Variants in SEL1L2 observed in about 807,000 individuals in gnomAD.
SEL1L2 encodes the protein SEL1L2 adaptor subunit of SYVN1 ubiquitin ligase, also known as protein sel-1 homolog 2.
SEL1L2 carries 89 observed loss-of-function variants against 98.8 expected under a neutral mutation model. The observed-to-expected ratio is 0.90, with a 90% CI of 0.76 to 1.07. The LOEUF is 1.07. Ranked by LOEUF, SEL1L2 falls within the 50% of genes least tolerant of loss-of-function variation. The pLI is 0.00. For synonymous variants in SEL1L2, 262 were observed against 278.5 expected (o/e 0.94, Z 0.59); for missense variants, 788 against 812.0 (o/e 0.97, Z 0.36).
At chr20:13,972,018 T>C (rs1449927217) in intron 1 of SEL1L2, among the ~76,000 whole-genome samples, 1 of 152,158 alleles carries the variant, frequency 6.6e-6, no homozygotes, top group Non-Finnish European at 1.5e-5. Context: ...CATATTTTAC[T>C]ATCTGGTTGA....
At chr20:13,944,671 A>G (rs2049929951) in intron 2 of SEL1L2, among the ~76,000 whole-genome samples, 1 of 152,230 alleles carries the variant, frequency 6.6e-6, no homozygotes, top group Non-Finnish European at 1.5e-5. Context: ...GGGTTGAGGC[A>G]GTGCAGGTTA....
intron 14 of SEL1L2, among the ~76,000 whole-genome samples, chr20:13,867,371 G>A (rs1991213225): frequency 6.6e-6 from 1 of 152,180 alleles, no homozygotes; most frequent in Admixed American, 6.5e-5. Flanking sequence ...CAGACTCCCA[G>A]CAGCCAAGAT....
At chr20:13,960,886 G>C (rs2050746769) in intron 1 of SEL1L2, among the ~76,000 whole-genome samples, 1 of 152,134 alleles carries the variant, frequency 6.6e-6, no homozygotes. Flanking sequence ...GCACATAATA[G>C]ATCAGTAGTT....
At chr20:13,932,587 G>T (rs2049201164) in intron 2 of SEL1L2, among the ~76,000 whole-genome samples, 4 of 151,770 alleles carry the variant, frequency 2.6e-5, no homozygotes, top group Non-Finnish European at 5.9e-5. Context: ...GCATGCCACC[G>T]TGCCTAGCTA....
intron 5 of SEL1L2, among the ~76,000 whole-genome samples, chr20:13,912,632 A>G (rs1338898161): frequency 6.6e-6 from 1 of 152,166 alleles, no homozygotes; most frequent in East Asian, 1.9e-4. Context: ...AGCAGAGTTC[A>G]TACATTCTTC....
intron 1 of SEL1L2, among the ~76,000 whole-genome samples, chr20:13,979,771 G>C (rs1272616749): frequency 6.6e-6 from 1 of 151,986 alleles, no homozygotes; most frequent in East Asian, 1.9e-4. Context: ...AGAAAATATA[G>C]AGGAAAAGCT....
At chr20:13,921,536 G>A (rs1250762334) in intron 3 of SEL1L2, among the ~76,000 whole-genome samples, 2 of 152,010 alleles carry the variant, frequency 1.3e-5, no homozygotes, top group African/African-American at 2.4e-5. Context: ...CTATAAGAGG[G>A]TCCAGGGCCG....
At chr20:13,893,770 T>C (rs1197300658) in intron 5 of SEL1L2, among the ~76,000 whole-genome samples, 4 of 152,220 alleles carry the variant, frequency 2.6e-5, no homozygotes, top group Non-Finnish European at 5.9e-5. Flanking sequence ...AGATAGATCA[T>C]ATTTTGGGAC....
chr20:13,981,014 G>A (rs911387491), intron 1 of SEL1L2, among the ~76,000 whole-genome samples: 31 of 152,148 alleles, frequency 2.0e-4, no homozygotes, highest in African/African-American at 7.0e-4. Flanking sequence ...AGGCCAAGGC[G>A]GGTGGATCAC....
chr20:13,856,657 C>T lies in SEL1L2; in HGVS notation c.1818+2605G>A, dbSNP rs145426908. Among the ~76,000 whole-genome samples, 1,145 of 152,180 alleles carry T rather than the reference C, an allele frequency of 7.5e-3. 6 individuals are homozygous for T. The highest frequency in any genetic ancestry group is 0.013 in the Non-Finnish European group (882 of 68,016). On this transcript the variant is annotated intron_variant, in intron 18 of 19. Transcript: ENST00000284951. Reference sequence around the variant, plus strand: ...TACTAGGATAGCTCACCTGCATCATCGCAGCCCCAACTTCCTTTTTGAAAG... The same window carrying T: ...TACTAGGATAGCTCACCTGCATCATTGCAGCCCCAACTTCCTTTTTGAAAG...
chr20:13,947,382 C>G (rs922115066), intron 2 of SEL1L2, among the ~76,000 whole-genome samples: 4 of 152,158 alleles, frequency 2.6e-5, no homozygotes, highest in African/African-American at 9.7e-5. Flanking sequence ...GAGCTACCCA[C>G]TCTGAATCTC....
chr20:13,892,137 C>T (rs772170094), intron 5 of SEL1L2, among the ~76,000 whole-genome samples: 16 of 152,046 alleles, frequency 1.1e-4, no homozygotes, highest in Non-Finnish European at 1.9e-4. Flanking sequence ...TTGTCATTAT[C>T]AGTTTAATAT....
chr20:13,959,151 G>A (rs1417817397), intron 1 of SEL1L2, among the ~76,000 whole-genome samples: 1 of 152,164 alleles, frequency 6.6e-6, no homozygotes, highest in Admixed American at 6.5e-5. Context: ...GGTGCCTCAT[G>A]AGCTGAACGA....
At chr20:13,994,343 C>T (rs972909107), upstream of SEL1L2, among the ~76,000 whole-genome samples, 1 of 149,806 alleles carries the variant, frequency 6.7e-6, no homozygotes, top group Non-Finnish European at 1.5e-5. Flanking sequence ...ATTACCTTAC[C>T]ATGTTGTGAA....
At chr20:13,856,539 T>C (rs780834181) in intron 18 of SEL1L2, among the ~76,000 whole-genome samples, 11 of 152,142 alleles carry the variant, frequency 7.2e-5, no homozygotes, top group Non-Finnish European at 1.5e-4. Flanking sequence ...CTCAGAACAA[T>C]GATGCAGTCA....
At chr20:13,854,676 C>T (rs1988852645) in intron 18 of SEL1L2, among the ~76,000 whole-genome samples, 1 of 152,020 alleles carries the variant, frequency 6.6e-6, no homozygotes, top group Admixed American at 6.6e-5. Context: ...GGAAATAGTC[C>T]TTGATAAATA....
intron 11 of SEL1L2, among the ~76,000 whole-genome samples, chr20:13,876,364 G>T (rs1188545027): frequency 6.7e-6 from 1 of 150,304 alleles, no homozygotes; most frequent in African/African-American, 2.4e-5. Context: ...CTGCCTGAGG[G>T]CAAAGAAATG....
chr20:13,869,394 T>C (rs956224628), intron 14 of SEL1L2, 109 bp downstream of exon 14: 4 of 789,698 alleles, frequency 5.1e-6, no homozygotes, highest in African/African-American at 1.7e-5. Flanking sequence ...GTTGCCTAAA[T>C]GTTCTGTCTA....
chr20:13,990,567 C>A lies in SEL1L2; in HGVS notation c.-33G>T. ...TAAGCAGCTTCTCTTCACTGTAACACAGGCAGAAACTAGGTGATTGGCCCA... is the reference window on the plus strand; with the variant it reads ...TAAGCAGCTTCTCTTCACTGTAACAAAGGCAGAAACTAGGTGATTGGCCCA... On this transcript the variant is annotated 5_prime_UTR_variant, in exon 1 of 20. Transcript: ENST00000284951. The A allele has an allele frequency of 5.8e-6, 9 of 1,551,636 alleles. No individual in the cohort carries two copies. The highest frequency in any genetic ancestry group is 8.0e-6 in the Non-Finnish European group (9 of 1,126,556).
Sources: allele counts gnomAD v4.1 joint callset (sites outside exome capture counted in the v4.1 genomes callset), GRCh38; gene constraint gnomAD v4.1.1; transcripts MANE v1.5; gene names NCBI Gene and HGNC (gene_info 2026-07-23, HGNC 2026-07-21).